Variants in NOS1 observed in about 807,000 individuals in gnomAD.
The protein encoded by NOS1 is NOS type I.
A neutral mutation model predicts 164.5 loss-of-function variants in NOS1; 51 were observed. The observed-to-expected ratio is 0.31, with a 90% confidence interval of 0.25 to 0.39. NOS1 has a LOEUF of 0.39. Ranked by LOEUF, NOS1 falls within the 10% of genes least tolerant of loss-of-function variation. The pLI is 1.00. For synonymous variants in NOS1, 719 were observed against 745.8 expected (o/e 0.96, Z 0.59); for missense variants, 1,362 against 1,885.6 (o/e 0.72, Z 5.14).
chr12:117,333,960 T>C (rs1875676537), intron 1 of NOS1, among the ~76,000 whole-genome samples: 1 of 152,170 alleles, frequency 6.6e-6, no homozygotes, highest in African/African-American at 2.4e-5. Context: ...CCGTTTGGCA[T>C]TAAGGCTTAA....
At position 117,243,058 on chromosome 12, in the gene NOS1, A is replaced by G. The variant is rs115424016; in HGVS notation, c.2962+239T>C. On this transcript the variant is annotated intron_variant, in intron 19 of 28. Transcript: ENST00000317775. The surrounding 1 kb of genome is among the most constrained non-coding windows in gnomAD (Gnocchi z 4.3). ...ACAAAAAGAAAATATAGTTGAGTTA[A>G]GTTGAGAAGAGGATGGTTTGGAAGA... Among the ~76,000 whole-genome samples the G allele has an allele frequency of 3.5e-3, 535 of 152,264 alleles. 3 individuals carry two copies. Among genetic ancestry groups the G allele is most frequent in the African/African-American group, 0.012 (491 of 41,558 alleles).
At chr12:117,281,837 G>A (rs202109081) in intron 7 of NOS1, among the ~76,000 whole-genome samples, 2,822 of 130,842 alleles carry the variant, frequency 0.022, no homozygotes, top group Non-Finnish European at 0.024. Flanking sequence ...CTCAAAAAAA[G>A]AAAAAAAAAA....
chr12:117,274,787 A>AT (rs1873049153), intron 9 of NOS1, among the ~76,000 whole-genome samples: 2 of 151,164 alleles, frequency 1.3e-5, no homozygotes, highest in South Asian at 4.2e-4. Context: ...AAAAAAAAAA[A>AT]AAAAGAAAGG....
rs187021112 is a variant in NOS1 at position 117,271,644 on chromosome 12, C to G, written c.1839+741G>C. The stretch of plus-strand genomic sequence containing the variant: ...TTCTAATCTTGGTTCTGTGCCTTAG[C>G]TCCTGTGTGACACAGGCCCAGTGCT... On this transcript the variant is annotated intron_variant, in intron 10 of 28. Coordinates refer to ENST00000317775, the MANE Select transcript of NOS1 (RefSeq NM_000620.5). 1.2e-3 allele frequency among the ~76,000 whole-genome samples: 183 copies of G among 152,336 alleles called. 2 individuals carry two copies. The highest frequency in any genetic ancestry group is 0.012 in the Admixed American group (180 of 15,294).
At chr12:117,361,172 C>T (rs894262385) in intron 1 of NOS1, among the ~76,000 whole-genome samples, 3 of 151,950 alleles carry the variant, frequency 2.0e-5, no homozygotes, top group Non-Finnish European at 2.9e-5. Context: ...TCGCGCTGCG[C>T]ACCCGCCCGC....
At chr12:117,263,194 G>A (rs113877945) in intron 13 of NOS1, among the ~76,000 whole-genome samples, 6 of 152,126 alleles carry the variant, frequency 3.9e-5, no homozygotes, top group Admixed American at 6.5e-5. Flanking sequence ...AACTACAGGC[G>A]TGTGCTGCGA....
intron 3 of NOS1, 96 bp from the exon 4 acceptor site, chr12:117,290,522 G>T: frequency 7.0e-7 from 1 of 1,435,586 alleles, no homozygotes; most frequent in Non-Finnish European, 9.4e-7. Context: ...TTCTTCCTGG[G>T]ATCTGCCTTG....
intron 1 of NOS1, among the ~76,000 whole-genome samples, chr12:117,337,317 C>T (rs886441316): frequency 3.3e-5 from 5 of 151,880 alleles, no homozygotes; most frequent in African/African-American, 1.2e-4. Context: ...GGGGTTTCAC[C>T]ATGTTAGCCA....
rs955592617 is a variant in NOS1, at chr12:117,215,038, T to C, written c.*271A>G. On this transcript the variant is annotated 3_prime_UTR_variant, in exon 29 of 29. Coordinates refer to ENST00000317775, the MANE Select transcript of NOS1 (RefSeq NM_000620.5). Reference sequence around the variant, plus strand: ...TCCAGTGGTTTCATGCACCCGTGAGTTGCCCTTGTCGGCAAGAGAGGGAGT... The same window carrying C: ...TCCAGTGGTTTCATGCACCCGTGAGCTGCCCTTGTCGGCAAGAGAGGGAGT... 26 of 1,188,244 alleles carry C rather than the reference T, an allele frequency of 2.2e-5. No individual in the cohort carries two copies. Among genetic ancestry groups the C allele is most frequent in the Admixed American group, 4.5e-5 (1 of 22,102 alleles). 73.6% of individuals were successfully genotyped at this position (1,188,244 alleles called of 1,614,324 possible). A position where few individuals can be genotyped will look rare whatever the true frequency, so the allele number is the denominator to read the frequency against.
chr12:117,274,768 A>AC (rs1873043817), intron 9 of NOS1, among the ~76,000 whole-genome samples: 1 of 65,220 alleles, frequency 1.5e-5, no homozygotes, highest in African/African-American at 5.5e-5. Flanking sequence ...ACTCCGTCTC[A>AC]CAAAAAAAAA....
At chr12:117,233,386 T>C (rs1869428760) in intron 21 of NOS1, among the ~76,000 whole-genome samples, 1 of 151,532 alleles carries the variant, frequency 6.6e-6, no homozygotes, top group Non-Finnish European at 1.5e-5. Flanking sequence ...TTTGTAGAGA[T>C]GCAGTTTTGC....
chr12:117,326,993 C>T (rs71469797), intron 2 of NOS1, among the ~76,000 whole-genome samples: 1 of 152,288 alleles, frequency 6.6e-6, no homozygotes. Context: ...CTGGGATCCT[C>T]TGGGGGACGT....
At chr12:117,334,008 G>C (rs1320741090) in intron 1 of NOS1, among the ~76,000 whole-genome samples, 1 of 152,224 alleles carries the variant, frequency 6.6e-6, no homozygotes, top group African/African-American at 2.4e-5. Context: ...GCGACCTCTT[G>C]GGGAGGCAAG....
chr12:117,244,016 A>G (rs1402247422), intron 18 of NOS1, among the ~76,000 whole-genome samples: 3 of 152,242 alleles, frequency 2.0e-5, no homozygotes, highest in Non-Finnish European at 2.9e-5. Flanking sequence ...TACTTAAGAT[A>G]TAATTCTATT....
intron 1 of NOS1, among the ~76,000 whole-genome samples, chr12:117,333,043 G>A (rs1275755018): frequency 6.6e-6 from 1 of 152,202 alleles, no homozygotes. Context: ...CCAGGTGAGG[G>A]GCAAGCACCT....
At chr12:117,292,292 T>C (rs1421116718) in intron 3 of NOS1, among the ~76,000 whole-genome samples, 8 of 152,008 alleles carry the variant, frequency 5.3e-5, no homozygotes, top group Non-Finnish European at 8.8e-5. Flanking sequence ...GAAGGGCAAG[T>C]GCAAAGGCAC....
At chr12:117,228,812 A>G (rs1868929762) in intron 22 of NOS1, among the ~76,000 whole-genome samples, 1 of 151,778 alleles carries the variant, frequency 6.6e-6, no homozygotes, top group Admixed American at 6.6e-5. Context: ...ATGGAGTCTC[A>G]CTCTGCTGCC....
chr12:117,213,622 T>C lies in NOS1; in HGVS notation c.*1687A>G, dbSNP rs7132722. On this transcript the variant is annotated 3_prime_UTR_variant, in exon 29 of 29. Coordinates refer to ENST00000317775, the MANE Select transcript of NOS1 (RefSeq NM_000620.5). ...GTAAAGCCCTTTCAAAGAGGGCCAG[T>C]GCACTTCCTCTTTAGCAGACACCCA... is the stretch of plus-strand genomic sequence containing the variant. 5.4e-3 allele frequency: 5,282 copies of C among 985,420 alleles called. 219 individuals carry two copies. The African/African-American group carries it at 0.086, about 16-fold the overall frequency. The allele number at this position is 985,420 out of a possible 1,614,324, so 61.0% of individuals were successfully genotyped here.
chr12:117,297,455 G>A (rs1037900256), intron 3 of NOS1, among the ~76,000 whole-genome samples: 3 of 152,126 alleles, frequency 2.0e-5, no homozygotes, highest in South Asian at 2.1e-4. Flanking sequence ...GCAATGGTGC[G>A]ATCTCAGCTC....
Sources: gnomAD v4.1 joint callset for allele counts (sites outside exome capture counted in the v4.1 genomes callset) on GRCh38, gnomAD v4.1.1 for gene constraint, Gnocchi (gnomAD v3.1) non-coding constraint, MANE v1.5 for transcripts, NCBI Gene and HGNC (gene_info 2026-07-23, HGNC 2026-07-21) for gene names.